Variants in CCDC9 observed in about 807,000 individuals in gnomAD.
CCDC9 encodes coiled-coil domain-containing protein 9.
CCDC9 carries 52 observed loss-of-function variants against 65.6 expected under a neutral mutation model. The observed-to-expected ratio is 0.79, with a 90% CI of 0.63 to 1.00. CCDC9 has a LOEUF of 1.00. CCDC9 is among the 50% of genes least tolerant of loss of function. The probability of loss-of-function intolerance (pLI) is 0.00; values close to 1 mark genes in which losing one functional copy is unlikely to be tolerated. For synonymous variants in CCDC9, 332 were observed against 280.3 expected (o/e 1.18, Z -1.84); for missense variants, 834 against 757.2 (o/e 1.10, Z -1.19).
At chr19:47,266,559 G>T in intron 7 of CCDC9, 52 bp from the exon 8 acceptor site, 1 of 1,455,856 alleles carries the variant, frequency 6.9e-7, no homozygotes, top group Non-Finnish European at 9.1e-7. Context: ...GGGGCTTAGG[G>T]GCGGGGTAGG....
Position 47,260,650 on chromosome 19 carries a change from G to C in CCDC9, c.273G>C (p.Lys91Asn). The C allele has an allele frequency of 6.6e-7, 1 of 1,524,474 alleles. No homozygotes were observed. 94.4% of individuals were successfully genotyped at this position (1,524,474 alleles called of 1,614,324 possible). ...PGTPRPPGAS[K>N]GGRTPPQQGG... ...CCCCTCGGCCCCCAGGGGCCAGCAA[G>C]GGGGGCCGGACTCCTCCACAGCAGG... is the stretch of plus-strand genomic sequence containing the variant. The change falls in exon 5 of 12, where the codon AAG becomes AAC. Residue 91 changes from lysine (K) to asparagine (N), a missense_variant. Coordinates refer to ENST00000221922, the MANE Select transcript of CCDC9 (RefSeq NM_015603.3).
At chr19:47,272,627 A>G (rs948986200), downstream of CCDC9, among the ~76,000 whole-genome samples, 4 of 152,168 alleles carry the variant, frequency 2.6e-5, no homozygotes, top group African/African-American at 9.7e-5. Context: ...GTCTCAAAAA[A>G]GGTGGTTGGC....
intron 8 of CCDC9, among the ~76,000 whole-genome samples, chr19:47,269,910 T>A (rs1381823401): frequency 6.6e-6 from 1 of 152,032 alleles, no homozygotes; most frequent in Non-Finnish European, 1.5e-5. Context: ...ACATTCTGAA[T>A]CTTTTTGTAT....
In CCDC9 at chr19:47,271,720, T is replaced by TGTGTGTGTGC; in HGVS notation, c.*51_*52insCGTGTGTGTG. ...GTGTGTGTGTGTGTGTGTGTGTGTG[T>TGTGTGTGTGC]GTGTGTGTGTGTGCGCGCGCGCGCG... On this transcript the variant is annotated 3_prime_UTR_variant, in exon 12 of 12. Transcript: ENST00000221922. 7.3e-7 allele frequency: 1 copy of TGTGTGTGTGC among 1,371,254 alleles called. No individual in the cohort carries two copies. The highest frequency in any genetic ancestry group is 9.5e-7 in the Non-Finnish European group (1 of 1,054,830). 84.9% of individuals were successfully genotyped at this position (1,371,254 alleles called of 1,614,324 possible).
Position 47,262,201 on chromosome 19 carries a change from AGGTTCCTGCTTT to A in CCDC9, c.462+1363_462+1374del, listed in dbSNP as rs1260803392. Among the ~76,000 whole-genome samples the A allele has an allele frequency of 5.1e-4, 72 of 142,052 alleles. No individual in the cohort carries two copies. In the South Asian group the frequency reaches 6.1e-3, roughly 12 times the overall value. 93.2% of individuals were successfully genotyped at this position (142,052 alleles called of 152,430 possible). On this transcript the variant is annotated intron_variant, in intron 5 of 11. Coordinates refer to ENST00000221922, the MANE Select transcript of CCDC9 (RefSeq NM_015603.3). ...GCTCCATGATGTCACTCAGGGACCC[AGGTTCCTGCTTT>A]TTTTTTTTTTTTTTTTTTCTTGAGA...
downstream of CCDC9, chr19:47,272,291 A>C: frequency 5.1e-6 from 3 of 590,958 alleles, no homozygotes; most frequent in African/African-American, 1.9e-5. Flanking sequence ...GTGAGGTGAA[A>C]AGGGTGAGCT....
chr19:47,258,085 C>G (rs955233701), intron 1 of CCDC9: 3 of 462,250 alleles, frequency 6.5e-6, no homozygotes, highest in Admixed American at 7.7e-5. Context: ...AGAACATCCC[C>G]AAGGTGGGTT....
Position 47,271,728 on chromosome 19 carries a change from TGTGTGCGCGCGC to T in CCDC9, c.*52_*63del, listed in dbSNP as rs778819603. The T allele has an allele frequency of 2.9e-3, 2,654 of 913,392 alleles. 13 individuals carry two copies. The African/African-American group carries it at 0.045, about 15-fold the overall frequency. The allele number at this position is 913,392 out of a possible 1,614,324, so 56.6% of individuals were successfully genotyped here. The stretch of plus-strand genomic sequence containing the variant: ...GTGTGTGTGTGTGTGTGTGTGTGTG[TGTGTGCGCGCGC>T]GCGCGCGCGCGCGCGCGCGCTAGAG... On this transcript the variant is annotated 3_prime_UTR_variant, in exon 12 of 12. Coordinates refer to ENST00000221922, the MANE Select transcript of CCDC9 (RefSeq NM_015603.3).
chr19:47,264,796 A>G lies in CCDC9; in HGVS notation c.570A>G (p.Pro190=). 1 of 1,591,428 alleles carries G rather than the reference A, an allele frequency of 6.3e-7. No individual in the cohort carries two copies. The highest frequency in any genetic ancestry group is 2.2e-5 in the East Asian group (1 of 44,490). ...AGGAAGGGGTTCTTGAACCCAACCCAGTGCGGAACTTCCTGGACGACCCCC... is the reference window on the plus strand; with the variant it reads ...AGGAAGGGGTTCTTGAACCCAACCCGGTGCGGAACTTCCTGGACGACCCCC... The part of the protein sequence containing the change: ...NQREGVLEPN[P]VRNFLDDPRR... The change falls in exon 7 of 12, where the codon CCA becomes CCG. Residue 190 remains proline, a synonymous_variant. Coordinates refer to ENST00000221922, the MANE Select transcript of CCDC9 (RefSeq NM_015603.3).
At chr19:47,268,587 T>A (rs748334868) in intron 8 of CCDC9, among the ~76,000 whole-genome samples, 2 of 152,162 alleles carry the variant, frequency 1.3e-5, no homozygotes, top group South Asian at 4.1e-4. Context: ...GTTTTTCTTA[T>A]GTGTCCTAAA....
chr19:47,273,364 C>T, downstream of CCDC9: 2 of 1,231,682 alleles, frequency 1.6e-6, no homozygotes, highest in East Asian at 3.2e-5. Context: ...CAGAGGCAGG[C>T]CCCGAAGGCC....
chr19:47,273,886 G>A (rs1600296412), downstream of CCDC9: 5 of 793,110 alleles, frequency 6.3e-6, no homozygotes, highest in Non-Finnish European at 7.6e-6. Context: ...GTGCTTGGCG[G>A]GCTTTTCTGT....
At position 47,260,980 on chromosome 19, in the gene CCDC9, C is replaced by T. The variant is rs139294142; in HGVS notation, c.462+141C>T. 3.1e-6 allele frequency: 3 copies of T among 961,656 alleles called. No homozygotes were observed. The East Asian group carries it at 8.6e-5, about 28-fold the overall frequency. The allele number at this position is 961,656 out of a possible 1,614,324, so 59.6% of individuals were successfully genotyped here. On this transcript the variant is annotated intron_variant, in intron 5 of 11. Coordinates refer to ENST00000221922, the MANE Select transcript of CCDC9 (RefSeq NM_015603.3). ...TGAGCCTTTGCATCTGGCTCTGTTTCTCTCTTCCTCCACCTCCTTCTCCTC... is the reference window on the plus strand; with the variant it reads ...TGAGCCTTTGCATCTGGCTCTGTTTTTCTCTTCCTCCACCTCCTTCTCCTC...
chr19:47,271,319 G>A lies in CCDC9; in HGVS notation c.1237G>A (p.Gly413Arg), dbSNP rs1179825274. Reference sequence around the variant, plus strand: ...TGCCCACCGGCCTCCTGAAGACGAGGGGGAAGAGAATGAGGGGGAAGAGGA... The same window carrying A: ...TGCCCACCGGCCTCCTGAAGACGAGAGGGAAGAGAATGAGGGGGAAGAGGA... ...APAHRPPEDE[G>R]EENEGEEDEE... Residue 413 changes from glycine to arginine, a missense_variant, in exon 12 of 12, where the codon GGG (glycine) becomes AGG (arginine). By Grantham distance (125) the Gly-to-Arg change is moderately radical. Transcript: ENST00000221922. 1 of 1,612,212 alleles carries A rather than the reference G, an allele frequency of 6.2e-7. No individual in the cohort carries two copies. Among genetic ancestry groups the A allele is most frequent in the Non-Finnish European group, 8.5e-7 (1 of 1,179,186 alleles).
downstream of CCDC9, chr19:47,273,474 A>C: frequency 1.0e-6 from 1 of 970,896 alleles, no homozygotes; most frequent in Non-Finnish European, 1.3e-6. Context: ...CGCCCGCCGG[A>C]CCGCGGCCTC....
In CCDC9 at chr19:47,258,544, G is replaced by A; in HGVS notation, c.4-15G>A. ...AGGTTTTTCCTTCCATCCCTCAACT[G>A]CCTCCCGGTCTCAGGCAGCCACACT... is the stretch of plus-strand genomic sequence containing the variant. On this transcript the variant is annotated splice_polypyrimidine_tract_variant and intron_variant, in intron 2 of 11. Coordinates refer to ENST00000221922, the MANE Select transcript of CCDC9 (RefSeq NM_015603.3). 6.2e-7 allele frequency: 1 copy of A among 1,611,986 alleles called. No individual in the cohort carries two copies. Among genetic ancestry groups the A allele is most frequent in the Non-Finnish European group, 8.5e-7 (1 of 1,178,044 alleles).
intron 1 of CCDC9, chr19:47,257,464 A>C (rs1313952736): frequency 6.9e-6 from 1 of 145,664 alleles, no homozygotes; most frequent in African/African-American, 2.6e-5. Flanking sequence ...GGGGCCAGAA[A>C]GTTTTTTCCC....
chr19:47,266,110 C>T (rs899363477), intron 7 of CCDC9, among the ~76,000 whole-genome samples: 1 of 150,366 alleles, frequency 6.7e-6, no homozygotes, highest in Non-Finnish European at 1.5e-5. Flanking sequence ...AGTCTCCTGC[C>T]TCAGCCTCCC....
At chr19:47,262,021 C>CA (rs140043359) in intron 5 of CCDC9, among the ~76,000 whole-genome samples, 322 of 143,740 alleles carry the variant, frequency 2.2e-3, no homozygotes, top group Non-Finnish European at 3.3e-3. Context: ...AACTCCGTCT[C>CA]AAAAAAAAAA....
Sources: allele counts gnomAD v4.1 joint callset (sites outside exome capture counted in the v4.1 genomes callset), GRCh38; gene constraint gnomAD v4.1.1; transcripts MANE v1.5; gene names NCBI Gene and HGNC (gene_info 2026-07-23, HGNC 2026-07-21).